The following TTC7B variants were observed in gnomAD, a reference collection of about 807,000 sequenced individuals.
The protein encoded by TTC7B is tetratricopeptide repeat domain 7B, also known as tetratricopeptide repeat protein 7B.
In TTC7B, 28 loss-of-function variants were observed where a neutral mutation model predicts 106.8. The ratio of observed to expected loss-of-function variants is 0.26; its 90% CI spans 0.19 to 0.36. TTC7B has a LOEUF of 0.36. Among genes scored for constraint, TTC7B ranks in the 10% least tolerant of loss-of-function variants. The pLI is 1.00. For synonymous variants in TTC7B, 405 were observed against 430.6 expected (o/e 0.94, Z 0.74); for missense variants, 862 against 1,076.4 (o/e 0.80, Z 2.79).
At chr14:90,725,621 G>A (rs1889069159) in intron 5 of TTC7B, among the ~76,000 whole-genome samples, 1 of 152,158 alleles carries the variant, frequency 6.6e-6, no homozygotes, top group Admixed American at 6.5e-5. Context: ...AGTACCTGAG[G>A]GGAGCCCAAG....
chr14:90,631,750 TC>T (rs1220623688), intron 15 of TTC7B, among the ~76,000 whole-genome samples: 2 of 152,158 alleles, frequency 1.3e-5, no homozygotes, highest in Non-Finnish European at 2.9e-5. Context: ...GCACAAGGGT[TC>T]CTATTTCTCT....
At chr14:90,634,001 C>T (rs1320024703) in intron 15 of TTC7B, among the ~76,000 whole-genome samples, 1 of 151,914 alleles carries the variant, frequency 6.6e-6, no homozygotes, top group African/African-American at 2.4e-5. Context: ...CAGCTACTCC[C>T]GAGTAGCTGG....
intron 15 of TTC7B, among the ~76,000 whole-genome samples, chr14:90,619,483 A>C (rs1595212972): frequency 6.6e-6 from 1 of 152,168 alleles, no homozygotes; most frequent in Non-Finnish European, 1.5e-5. Context: ...ACCCCACTTA[A>C]ATAAGTAAGT....
chr14:90,676,433 G>A lies in TTC7B; in HGVS notation c.1152+90C>T, dbSNP rs532321603. Reference sequence around the variant, plus strand: ...CACATGGCTGCCACTAATAGAGGGGGGCCCAGGACCAGGTCTCACAGCGCT... The same window carrying A: ...CACATGGCTGCCACTAATAGAGGGGAGCCCAGGACCAGGTCTCACAGCGCT... On this transcript the variant is annotated intron_variant, in intron 9 of 19. Coordinates refer to ENST00000328459, the MANE Select transcript of TTC7B (RefSeq NM_001010854.2). 56 of 1,464,234 alleles carry A rather than the reference G, an allele frequency of 3.8e-5. 1 individual carries two copies. In the South Asian group the frequency reaches 6.8e-4, roughly 18 times the overall value. The allele number at this position is 1,464,234 out of a possible 1,614,324, so 90.7% of individuals were successfully genotyped here.
intron 19 of TTC7B, among the ~76,000 whole-genome samples, chr14:90,548,171 T>C (rs1889916548): frequency 6.6e-6 from 1 of 152,202 alleles, no homozygotes. Flanking sequence ...CAGTGCAGTG[T>C]TAGTGCAGAG....
Position 90,708,327 on chromosome 14 carries a change from G to A in TTC7B, c.699-12749C>T, listed in dbSNP as rs969994131. The stretch of plus-strand genomic sequence containing the variant: ...GAAGAAAATGTTATCTACGACTTTC[G>A]TAGCTACAGAGAAGTCAACGCCTGG... On this transcript the variant is annotated intron_variant, in intron 5 of 19. Transcript: ENST00000328459. Among the ~76,000 whole-genome samples the A allele has an allele frequency of 4.6e-5, 7 of 152,106 alleles. No homozygotes were observed. In the East Asian group the frequency reaches 9.6e-4, roughly 21 times the overall value.
intron 19 of TTC7B, among the ~76,000 whole-genome samples, chr14:90,559,327 C>A (rs1273204019): frequency 6.6e-6 from 1 of 152,234 alleles, no homozygotes; most frequent in Non-Finnish European, 1.5e-5. Context: ...GTAAAAGCAA[C>A]AGCACATATT....
chr14:90,796,291 G>A (rs1044818669), intron 1 of TTC7B, among the ~76,000 whole-genome samples: 1 of 152,200 alleles, frequency 6.6e-6, no homozygotes, highest in African/African-American at 2.4e-5. Context: ...TTATTTGGGG[G>A]TTAAGTGAGG....
chr14:90,715,168 C>G (rs890727080), intron 5 of TTC7B, among the ~76,000 whole-genome samples: 1 of 152,180 alleles, frequency 6.6e-6, no homozygotes, highest in East Asian at 1.9e-4. Context: ...CAGACCCATC[C>G]GATGCCCTGT....
intron 8 of TTC7B, among the ~76,000 whole-genome samples, chr14:90,678,705 G>C (rs889244055): frequency 9.2e-5 from 14 of 152,196 alleles, no homozygotes; most frequent in Non-Finnish European, 1.9e-4. Context: ...CTCAATGTTT[G>C]AGTATTATTA....
intron 13 of TTC7B, among the ~76,000 whole-genome samples, chr14:90,652,217 C>A (rs975386039): frequency 6.6e-6 from 1 of 152,186 alleles, no homozygotes; most frequent in African/African-American, 2.4e-5. Flanking sequence ...AAGGGACATA[C>A]TGCCTGTCCG....
chr14:90,721,789 T>C (rs938489815), intron 5 of TTC7B, among the ~76,000 whole-genome samples: 3 of 152,186 alleles, frequency 2.0e-5, no homozygotes, highest in African/African-American at 7.2e-5. Flanking sequence ...GTTTCCCCAA[T>C]GATACATAAA....
At chr14:90,616,904 C>T (rs962231173) in intron 16 of TTC7B, among the ~76,000 whole-genome samples, 1 of 152,204 alleles carries the variant, frequency 6.6e-6, no homozygotes, top group African/African-American at 2.4e-5. Flanking sequence ...AGACACCTTA[C>T]TAGGAAAGTA....
intron 1 of TTC7B, among the ~76,000 whole-genome samples, chr14:90,806,735 C>A (rs904203292): frequency 1.3e-5 from 2 of 152,030 alleles, no homozygotes; most frequent in African/African-American, 2.4e-5. Flanking sequence ...GGTGAAACCT[C>A]ATCTCTACAA....
rs897849133 is a variant in TTC7B at position 90,575,653 on chromosome 14, C to T, written c.2310+2453G>A. Among the ~76,000 whole-genome samples the T allele has an allele frequency of 3.9e-5, 6 of 152,182 alleles. No individual in the cohort carries two copies. Among genetic ancestry groups the T allele is most frequent in the Non-Finnish European group, 8.8e-5 (6 of 68,034 alleles). On this transcript the variant is annotated intron_variant, in intron 19 of 19. Coordinates refer to ENST00000328459, the MANE Select transcript of TTC7B (RefSeq NM_001010854.2). The surrounding 1 kb of genome is among the most constrained non-coding windows in gnomAD (Gnocchi z 5.2). ...TGTGGGCTGGGCTCCTGGGGACAGG[C>T]TGGGGAGAACACAGGCCAGGTGCAT...
At chr14:90,752,816 T>C (rs1890176861) in intron 3 of TTC7B, among the ~76,000 whole-genome samples, 2 of 152,258 alleles carry the variant, frequency 1.3e-5, no homozygotes, top group South Asian at 4.1e-4. Context: ...CACAATCTCC[T>C]GTCTCACTGA....
In TTC7B at chr14:90,655,115, A is replaced by T. The variant is rs749711741; in HGVS notation, c.1342-5T>A. ...AAACTTTTCAGCCTCTTCCAACTGA[A>T]AAATGAGACAAGTTAAAAACAACAA... On this transcript the variant is annotated splice_polypyrimidine_tract_variant and splice_region_variant and intron_variant, in intron 11 of 19. Transcript: ENST00000328459. 1 of 1,605,980 alleles carries T rather than the reference A, an allele frequency of 6.2e-7. No individual in the cohort carries two copies. The highest frequency in any genetic ancestry group is 8.5e-7 in the Non-Finnish European group (1 of 1,172,606).
In TTC7B at chr14:90,655,093, C is replaced by T. The variant is rs534793033; in HGVS notation, c.1359G>A (p.Lys453=). 2 of 1,614,004 alleles carry T rather than the reference C, an allele frequency of 1.2e-6. No individual in the cohort carries two copies. Among genetic ancestry groups the T allele is most frequent in the South Asian group, 2.2e-5 (2 of 91,084 alleles). ...CCACATCAACGACAGTTTTGGCAAA[C>T]TTTTCAGCCTCTTCCAACTGAAAAA... ...GSLHWLEEAE[K]FAKTVVDVGE... The change falls in exon 12 of 20, where the codon AAG becomes AAA. Residue 453 remains lysine (K), a synonymous_variant. Transcript: ENST00000328459.
chr14:90,567,817 A>G (rs1946564468), intron 19 of TTC7B: 2 of 152,216 alleles, frequency 1.3e-5, no homozygotes, highest in South Asian at 2.1e-4. Context: ...CAGTGCCTCT[A>G]ACTCTCTGGT....
Sources: gnomAD v4.1 joint callset for allele counts (sites outside exome capture counted in the v4.1 genomes callset) on GRCh38, gnomAD v4.1.1 for gene constraint, Gnocchi (gnomAD v3.1) non-coding constraint, MANE v1.5 for transcripts, NCBI Gene and HGNC (gene_info 2026-07-23, HGNC 2026-07-21) for gene names.